LRTM1: variants seen among roughly 807,000 people sequenced by gnomAD.
The protein encoded by LRTM1 is leucine-rich repeat and transmembrane domain-containing protein 1.
In LRTM1, 38 loss-of-function variants were observed where a neutral mutation model predicts 32.4. The ratio of observed to expected loss-of-function variants is 1.17; its 90% CI spans 0.91 to 1.54. The LOEUF (loss-of-function observed/expected upper bound fraction) is 1.54. Ranked by LOEUF, LRTM1 falls within the 40% of genes most tolerant of loss-of-function variation. The probability of loss-of-function intolerance (pLI) is 0.00; values close to 1 mark genes in which losing one functional copy is unlikely to be tolerated. For missense variants in LRTM1, 466 were observed against 415.4 expected (o/e 1.12, Z -1.06); for synonymous variants, 186 against 169.9 (o/e 1.09, Z -0.74).
intron 1 of LRTM1, among the ~76,000 whole-genome samples, chr3:54,951,855 T>C (rs1437693667): frequency 6.6e-6 from 1 of 152,208 alleles, no homozygotes; most frequent in Non-Finnish European, 1.5e-5. Context: ...CTTGTTATTT[T>C]ATTTTAATTT....
At chr3:54,918,919 T>C in intron 2 of LRTM1, 27 bp from the exon 3 acceptor site, 2 of 1,505,664 alleles carry the variant, frequency 1.3e-6, no homozygotes, top group South Asian at 2.7e-5. Context: ...CAAAGAACAA[T>C]AACAAAGCCT....
chr3:54,957,224 ATCATAG>A (rs1701921217), intron 1 of LRTM1, among the ~76,000 whole-genome samples: 1 of 151,708 alleles, frequency 6.6e-6, no homozygotes, highest in African/African-American at 2.4e-5. Context: ...CAGTGGCACA[ATCATAG>A]CTCAATGCAG....
chr3:54,931,656 G>A (rs779557996), upstream of LRTM1, among the ~76,000 whole-genome samples: 29 of 152,320 alleles, frequency 1.9e-4, no homozygotes, highest in Admixed American at 3.3e-4. Context: ...AGATGCACCC[G>A]TAGAGTAAAA....
chr3:54,932,048 G>A (rs977387039), upstream of LRTM1, among the ~76,000 whole-genome samples: 7 of 152,020 alleles, frequency 4.6e-5, no homozygotes, highest in African/African-American at 1.7e-4. Flanking sequence ...TGGGTGTGGT[G>A]GTGAGCGCCT....
In LRTM1 at chr3:54,925,049, T is replaced by C; in HGVS notation, c.174A>G (p.Gln58=). Residue 58 remains glutamine, a synonymous_variant, in exon 2 of 3, where the codon CAA becomes CAG. Coordinates refer to ENST00000273286, the MANE Select transcript of LRTM1 (RefSeq NM_020678.4). ...LPPQTRTLHL[Q]DNQIHHLPAF... ...CAGGAAGATGGTGTATCTGATTATCTTGTAAATGCAGCGTTCGAGTCTGAG... is the reference window on the plus strand; with the variant it reads ...CAGGAAGATGGTGTATCTGATTATCCTGTAAATGCAGCGTTCGAGTCTGAG... 6.2e-7 allele frequency: 1 copy of C among 1,614,120 alleles called. No individual in the cohort carries two copies.
At chr3:54,963,232 A>C (rs1702071709) in intron 1 of LRTM1, among the ~76,000 whole-genome samples, 1 of 151,908 alleles carries the variant, frequency 6.6e-6, no homozygotes, top group African/African-American at 2.4e-5. Context: ...TCTGATCTAA[A>C]CCCCCTATAC....
chr3:54,924,635 C>A lies in LRTM1; in HGVS notation c.588G>T (p.Glu196Asp), dbSNP rs1575379125. Residue 196 changes from glutamate to aspartate, a missense_variant, in exon 2 of 3, where the codon GAG becomes GAT. Glu to Asp is a conservative substitution (Grantham distance 45). Coordinates refer to ENST00000273286, the MANE Select transcript of LRTM1 (RefSeq NM_020678.4). ...ATGACTGACCTTTATAGACAAATTTCTCCAGCCAGAGTTTAAGACCGAGCA... is the reference window on the plus strand; with the variant it reads ...ATGACTGACCTTTATAGACAAATTTATCCAGCCAGAGTTTAAGACCGAGCA... ...CHLLGLKLWL[E>D]KFVYKGGLTD... 1.2e-6 allele frequency: 2 copies of A among 1,613,806 alleles called. No homozygotes were observed. The highest frequency in any genetic ancestry group is 1.7e-6 in the Non-Finnish European group (2 of 1,179,784).
At chr3:54,946,402 A>G (rs1395006409) in intron 1 of LRTM1, among the ~76,000 whole-genome samples, 1 of 152,136 alleles carries the variant, frequency 6.6e-6, no homozygotes, top group African/African-American at 2.4e-5. Flanking sequence ...GAGCTGTCAC[A>G]TCCTTCACTG....
chr3:54,918,260 C>G lies in LRTM1; in HGVS notation c.*199G>C. 8.6e-6 allele frequency: 5 copies of G among 579,334 alleles called. No individual in the cohort carries two copies. The South Asian group carries it at 1.1e-4, about 13-fold the overall frequency. The allele number at this position is 579,334 out of a possible 1,614,324, so 35.9% of individuals were successfully genotyped here. A position where few individuals can be genotyped will look rare whatever the true frequency, so the allele number is the denominator to read the frequency against. On this transcript the variant is annotated 3_prime_UTR_variant, in exon 3 of 3. Coordinates refer to ENST00000273286, the MANE Select transcript of LRTM1 (RefSeq NM_020678.4). ...AGCACAAGTATCATCTTTATTTTAC[C>G]TATAGTATTTTAAAAATCGCAACAT... is the stretch of plus-strand genomic sequence containing the variant.
At chr3:54,933,120 CT>C (rs1701244431) in intron 1 of LRTM1, among the ~76,000 whole-genome samples, 2 of 135,582 alleles carry the variant, frequency 1.5e-5, no homozygotes, top group Non-Finnish European at 3.2e-5. Flanking sequence ...TTCCTTCTTT[CT>C]GGACCTCTGC....
At chr3:54,946,025 C>T (rs1413774259) in intron 1 of LRTM1, among the ~76,000 whole-genome samples, 1 of 152,166 alleles carries the variant, frequency 6.6e-6, no homozygotes, top group Admixed American at 6.5e-5. Flanking sequence ...AAACGAGTAC[C>T]CTGCCTCATT....
At chr3:54,920,621 G>A (rs1218753506) in intron 2 of LRTM1, among the ~76,000 whole-genome samples, 1 of 152,182 alleles carries the variant, frequency 6.6e-6, no homozygotes, top group Non-Finnish European at 1.5e-5. Context: ...TCATTCCTCT[G>A]CACCTGACCA....
Position 54,924,665 on chromosome 3 carries a change from G to C in LRTM1, c.558C>G (p.Cys186Trp). 6.2e-7 allele frequency: 1 copy of C among 1,614,080 alleles called. No individual in the cohort carries two copies. The highest frequency in any genetic ancestry group is 8.5e-7 in the Non-Finnish European group (1 of 1,180,008). The change falls in exon 2 of 3, where the codon TGC becomes TGG. Residue 186 changes from cysteine (C) to tryptophan (W), a missense_variant. Physicochemically the swap from Cys to Trp is radical, Grantham distance 215 (BLOSUM62 -2). Coordinates refer to ENST00000273286, the MANE Select transcript of LRTM1 (RefSeq NM_020678.4). ...GCCAGAGTTTAAGACCGAGCAAGTG[G>C]CAATTGCATTTCCAGAGGTTGTCCT... ...LLKDNLWKCN[C>W]HLLGLKLWLE...
At chr3:54,947,820 G>T (rs1310242854) in intron 1 of LRTM1, among the ~76,000 whole-genome samples, 5 of 152,150 alleles carry the variant, frequency 3.3e-5, no homozygotes, top group African/African-American at 1.2e-4. Flanking sequence ...GGGGATGTGG[G>T]TCAGGAAGCA....
intron 1 of LRTM1, among the ~76,000 whole-genome samples, chr3:54,966,689 C>T (rs1382419046): frequency 6.6e-6 from 1 of 152,088 alleles, no homozygotes; most frequent in Admixed American, 6.5e-5. Context: ...TGTGGTGGTG[C>T]ACACCTGTAA....
chr3:54,920,431 C>T (rs1700810162), intron 2 of LRTM1, among the ~76,000 whole-genome samples: 1 of 152,152 alleles, frequency 6.6e-6, no homozygotes, highest in Non-Finnish European at 1.5e-5. Flanking sequence ...GTCTTGGGTT[C>T]CTCCTGGCTT....
intron 1 of LRTM1, among the ~76,000 whole-genome samples, chr3:54,958,965 G>A (rs1701968034): frequency 6.6e-6 from 1 of 152,136 alleles, no homozygotes; most frequent in South Asian, 2.1e-4. Context: ...TTGAGGCATG[G>A]TGGCACATGC....
upstream of LRTM1, chr3:54,928,222 C>T: frequency 2.4e-6 from 1 of 417,264 alleles, no homozygotes; most frequent in Non-Finnish European, 4.2e-6. Context: ...AGACGATGAG[C>T]CGCGTAAAGA....
intron 1 of LRTM1, among the ~76,000 whole-genome samples, chr3:54,926,303 T>A (rs961992818): frequency 6.6e-6 from 1 of 152,146 alleles, no homozygotes; most frequent in Non-Finnish European, 1.5e-5. Context: ...ATTATCCCCA[T>A]TTGAAAGATG....
Sources: allele counts gnomAD v4.1 joint callset (sites outside exome capture counted in the v4.1 genomes callset), GRCh38; gene constraint gnomAD v4.1.1; transcripts MANE v1.5; gene names NCBI Gene and HGNC (gene_info 2026-07-23, HGNC 2026-07-21).